The following SORCS1 variants were observed in gnomAD, a reference collection of about 807,000 sequenced individuals.
SORCS1 encodes the protein VPS10 domain-containing receptor SorCS1.
SORCS1 carries 60 observed loss-of-function variants against 146.1 expected under a neutral mutation model. The observed-to-expected ratio is 0.41, with a 90% CI of 0.33 to 0.51. The LOEUF (loss-of-function observed/expected upper bound fraction) is 0.51. Among genes scored for constraint, SORCS1 ranks in the 20% least tolerant of loss-of-function variants. The pLI is 0.21. For synonymous variants in SORCS1, 637 were observed against 584.0 expected (o/e 1.09, Z -1.31); for missense variants, 1,352 against 1,487.6 (o/e 0.91, Z 1.50).
At chr10:106,885,158 C>T (rs1178028378) in intron 2 of SORCS1, among the ~76,000 whole-genome samples, 2 of 151,860 alleles carry the variant, frequency 1.3e-5, no homozygotes, top group Non-Finnish European at 2.9e-5. Flanking sequence ...CCAATTTAGA[C>T]AGATAAATAG....
chr10:107,180,873 C>G, the SORCS1 span, among the ~76,000 whole-genome samples: 1 of 152,132 alleles, frequency 6.6e-6, no homozygotes, highest in Non-Finnish European at 1.5e-5. Flanking sequence ...CACCTAGGCT[C>G]TAGGCTATGT....
intron 1 of SORCS1, among the ~76,000 whole-genome samples, chr10:107,050,681 A>T (rs1960018623): frequency 6.6e-6 from 1 of 152,208 alleles, no homozygotes; most frequent in Admixed American, 6.5e-5. Flanking sequence ...CAAGAAATGG[A>T]TCAATGGACA....
chr10:106,598,348 AC>A (rs1237970500), intron 23 of SORCS1, among the ~76,000 whole-genome samples: 1 of 151,138 alleles, frequency 6.6e-6, no homozygotes, highest in African/African-American at 2.4e-5. Context: ...CGCAACCTCC[AC>A]CTCCTGGGTT....
intron 5 of SORCS1, among the ~76,000 whole-genome samples, chr10:106,731,851 G>A (rs1856623481): frequency 6.6e-6 from 1 of 151,988 alleles, no homozygotes; most frequent in Non-Finnish European, 1.5e-5. Flanking sequence ...TGAAATGAAA[G>A]AAGGAAGGAA....
At chr10:107,150,395 C>G (rs549496039) in intron 1 of SORCS1, among the ~76,000 whole-genome samples, 2 of 152,314 alleles carry the variant, frequency 1.3e-5, no homozygotes, top group South Asian at 2.1e-4. Flanking sequence ...ACTACATGAA[C>G]CCCTTCCACT....
chr10:106,765,510 G>C (rs1859500635), intron 4 of SORCS1, among the ~76,000 whole-genome samples: 1 of 152,002 alleles, frequency 6.6e-6, no homozygotes, highest in Admixed American at 6.6e-5. Context: ...TGAGAGCTTT[G>C]AGCCAACTGT....
At chr10:106,647,823 A>C (rs1589560252) in intron 18 of SORCS1, among the ~76,000 whole-genome samples, 1 of 152,320 alleles carries the variant, frequency 6.6e-6, no homozygotes, top group Middle Eastern at 3.4e-3. Context: ...CTAATTTTCA[A>C]AATATAATTA....
intron 18 of SORCS1, among the ~76,000 whole-genome samples, chr10:106,645,099 C>T (rs1034664744): frequency 3.3e-5 from 5 of 151,870 alleles, no homozygotes; most frequent in Admixed American, 1.3e-4. Context: ...ATATGAATGA[C>T]CAGATGCTCC....
chr10:106,597,240 T>A, intron 24 of SORCS1, 111 bp downstream of exon 24: 1 of 828,032 alleles, frequency 1.2e-6, no homozygotes, highest in East Asian at 2.7e-5. Context: ...ATGACTGATT[T>A]GATTTCTGAT....
chr10:106,988,717 C>T (rs1446855665), intron 1 of SORCS1, among the ~76,000 whole-genome samples: 2 of 151,950 alleles, frequency 1.3e-5, no homozygotes, highest in Non-Finnish European at 2.9e-5. Flanking sequence ...TAAATGGTTG[C>T]AATGCTCTAC....
intron 2 of SORCS1, among the ~76,000 whole-genome samples, chr10:106,840,895 C>T (rs535147385): frequency 1.8e-4 from 26 of 146,698 alleles, no homozygotes; most frequent in South Asian, 8.6e-4. Flanking sequence ...CTTGCTCTGT[C>T]GCCAGGCTGG....
At chr10:107,168,494 A>T (rs538984299), upstream of SORCS1, among the ~76,000 whole-genome samples, 10 of 152,228 alleles carry the variant, frequency 6.6e-5, no homozygotes, top group East Asian at 1.9e-3. Context: ...TCATTTCAAC[A>T]TTTCTTTCAG....
intron 2 of SORCS1, among the ~76,000 whole-genome samples, chr10:106,910,199 C>T (rs552003648): frequency 3.9e-5 from 6 of 152,006 alleles, no homozygotes; most frequent in Non-Finnish European, 8.8e-5. Flanking sequence ...GATAACTGGG[C>T]TCTGGATACA....
intron 10 of SORCS1, among the ~76,000 whole-genome samples, chr10:106,679,955 C>G (rs1205651387): frequency 6.6e-6 from 1 of 152,132 alleles, no homozygotes; most frequent in African/African-American, 2.4e-5. Flanking sequence ...TAAAGACCAC[C>G]TTCATTTTAG....
At chr10:106,779,712 C>T (rs1218911230) in intron 3 of SORCS1, among the ~76,000 whole-genome samples, 1 of 151,928 alleles carries the variant, frequency 6.6e-6, no homozygotes, top group Non-Finnish European at 1.5e-5. Context: ...GGTCTCGAAC[C>T]CCTGACCTCA....
At chr10:106,800,087 C>G (rs566320552) in intron 3 of SORCS1, among the ~76,000 whole-genome samples, 3 of 152,130 alleles carry the variant, frequency 2.0e-5, no homozygotes, top group Non-Finnish European at 2.9e-5. Flanking sequence ...CCCTATTTTT[C>G]TACAACTTAG....
intron 1 of SORCS1, among the ~76,000 whole-genome samples, chr10:107,109,211 G>A (rs1590157881): frequency 6.6e-6 from 1 of 152,226 alleles, no homozygotes; most frequent in Non-Finnish European, 1.5e-5. Context: ...GTGCCACAGT[G>A]AGGACTCCGT....
intron 2 of SORCS1, among the ~76,000 whole-genome samples, chr10:106,830,563 C>CA (rs1554854232): frequency 1.5e-5 from 2 of 134,884 alleles, no homozygotes; most frequent in East Asian, 4.2e-4. Flanking sequence ...TATACCTCAG[C>CA]TTTTTTTTTT....
intron 19 of SORCS1, 30 bp from the exon 20 acceptor site, chr10:106,620,591 A>T (rs1333870515): frequency 6.2e-7 from 1 of 1,609,124 alleles, no homozygotes; most frequent in South Asian, 1.1e-5. Context: ...GAGGCCATGG[A>T]TGGGGAAGAG....
Sources: gnomAD v4.1 joint callset for allele counts (sites outside exome capture counted in the v4.1 genomes callset) on GRCh38, gnomAD v4.1.1 for gene constraint, MANE v1.5 for transcripts, NCBI Gene and HGNC (gene_info 2026-07-23, HGNC 2026-07-21) for gene names.